SYTL5: variants seen among roughly 807,000 people sequenced by gnomAD.
SYTL5 encodes synaptotagmin like 5, also known as synaptotagmin-like protein 5.
Under a neutral mutation model 55.9 loss-of-function variants are expected in SYTL5, and 34 were observed. The ratio of observed to expected loss-of-function variants is 0.61; its 90% CI spans 0.46 to 0.81. SYTL5 has a LOEUF of 0.81. SYTL5 is among the 30% of genes least tolerant of loss of function. The pLI is 0.00. For missense variants in SYTL5, 637 were observed against 546.7 expected, an observed-to-expected ratio of 1.17 and a Z score of -1.65; for synonymous variants, 221 against 188.7, an observed-to-expected ratio of 1.17 and a Z score of -1.40.
At chrX:37,939,095 T>G in the SYTL5 span, among the ~76,000 whole-genome samples, 4 of 109,544 alleles carry the variant, frequency 3.7e-5, no homozygotes, top group African/African-American at 1.3e-4. Context: ...ACGTCTCTAC[T>G]AAAAATACCC....
chrX:38,125,389 T>G lies in SYTL5; in HGVS notation c.1933T>G (p.Phe645Val). Reference protein sequence around the residue: ...VNPQWNHTFMFSGIHPQDIKN... With the variant: ...VNPQWNHTFMVSGIHPQDIKN... The stretch of plus-strand genomic sequence containing the variant: ...CCCTCAGTGGAATCATACATTCATG[T>G]TCAGTGGCATCCATCCCCAGGATAT... The change falls in exon 16 of 17, where the codon TTC becomes GTC. Residue 645 changes from phenylalanine (F) to valine (V), a missense_variant. Physicochemically the swap from Phe to Val is conservative, Grantham distance 50. Coordinates refer to ENST00000297875, the MANE Select transcript of SYTL5 (RefSeq NM_138780.3). The G allele has an allele frequency of 8.3e-7, 1 of 1,209,783 alleles. No homozygotes were observed. Among genetic ancestry groups the G allele is most frequent in the Non-Finnish European group, 1.1e-6 (1 of 893,582 alleles).
chrX:37,995,371 T>C, the SYTL5 span, among the ~76,000 whole-genome samples: 3 of 112,026 alleles, frequency 2.7e-5, no homozygotes, highest in African/African-American at 3.2e-5. Context: ...GGAGATTGTG[T>C]TGGGATTGTC....
At chrX:38,105,083 A>G (rs751710359) in intron 10 of SYTL5, among the ~76,000 whole-genome samples, 1 of 112,805 alleles carries the variant, frequency 8.9e-6, no homozygotes, top group South Asian at 3.7e-4. Flanking sequence ...ATAGCAGGAC[A>G]GTCAATCTGA....
chrX:38,045,619 T>G (rs766423267), intron 2 of SYTL5, among the ~76,000 whole-genome samples: 4 of 112,128 alleles, frequency 3.6e-5, no homozygotes, highest in Non-Finnish European at 7.5e-5. Flanking sequence ...TTGAGACTAT[T>G]TGTAAACATG....
In SYTL5 at chrX:38,073,671, C is replaced by T. The variant is rs1446892535; in HGVS notation, c.527C>T (p.Ala176Val). The T allele has an allele frequency of 8.4e-7, 1 of 1,197,378 alleles. No individual in the cohort carries two copies. The highest frequency in any genetic ancestry group is 2.3e-5 in the Admixed American group (1 of 44,289). Residue 176 changes from alanine (A) to valine (V), a missense_variant, in exon 5 of 17, where the codon GCC (alanine) becomes GTC (valine). By Grantham distance (64) the Ala-to-Val change is moderately conservative. Coordinates refer to ENST00000297875, the MANE Select transcript of SYTL5 (RefSeq NM_138780.3). ...SDTSPVAGKK[A>V]SHDGPKRKGF... ...ACTTCACCTGTTGCTGGGAAGAAGG[C>T]CAGCCATGATGGGCCCAAGAGAAAG...
chrX:37,913,147 A>C, the SYTL5 span, among the ~76,000 whole-genome samples: 11 of 111,936 alleles, frequency 9.8e-5, no homozygotes, highest in Non-Finnish European at 1.5e-4. Context: ...GACTGGATGT[A>C]AGCTAGCATT....
At chrX:37,894,225 T>C in the SYTL5 span, among the ~76,000 whole-genome samples, 1 of 111,813 alleles carries the variant, frequency 8.9e-6, no homozygotes, top group Non-Finnish European at 1.9e-5. Flanking sequence ...GCTTCCAGTG[T>C]TTGGCTATTA....
At chrX:38,066,430 A>G (rs1230979431) in intron 3 of SYTL5, among the ~76,000 whole-genome samples, 1 of 111,785 alleles carries the variant, frequency 8.9e-6, no homozygotes, top group East Asian at 2.8e-4. Flanking sequence ...ACTGTCAGTA[A>G]TCATTATTCA....
chrX:37,919,484 T>C, the SYTL5 span, among the ~76,000 whole-genome samples: 2 of 111,630 alleles, frequency 1.8e-5, no homozygotes, highest in African/African-American at 3.3e-5. Context: ...ATATGCCAAT[T>C]CCCTTTGATC....
chrX:37,895,382 C>T, the SYTL5 span, among the ~76,000 whole-genome samples: 1 of 109,868 alleles, frequency 9.1e-6, no homozygotes, highest in Non-Finnish European at 1.9e-5. Flanking sequence ...GTGTCTGGCA[C>T]AGAGTAAGTG....
chrX:38,027,824 CT>C (rs111523397), intron 1 of SYTL5, among the ~76,000 whole-genome samples: 14,090 of 90,525 alleles, frequency 0.16, 2,206 homozygotes, highest in African/African-American at 0.45. Context: ...AATTCTTCTT[CT>C]TTTTTTTTTT....
At chrX:38,078,576 GA>G (rs1211058169) in intron 6 of SYTL5, among the ~76,000 whole-genome samples, 9 of 104,300 alleles carry the variant, frequency 8.6e-5, no homozygotes, top group Non-Finnish European at 1.4e-4. Flanking sequence ...CCTTGTTAAA[GA>G]AAAAAAAAAG....
rs376473841 is a variant in SYTL5, at chrX:38,054,340, G to A, written c.247G>A (p.Ala83Thr). ...LIFDRGDPCQ[A>T]CSLRVCRECR... ...CTTTGACCGGGGAGACCCTTGTCAG[G>A]CTTGCTCACTGAGGGTATGCAGGGA... is the stretch of plus-strand genomic sequence containing the variant. Residue 83 changes from alanine (A) to threonine (T), a missense_variant, in exon 3 of 17, where the codon GCT becomes ACT. By Grantham distance (58) the Ala-to-Thr change is moderately conservative. Transcript: ENST00000297875. 50 of 1,209,340 alleles carry A rather than the reference G, an allele frequency of 4.1e-5. No individual in the cohort carries two copies. Among genetic ancestry groups the A allele is most frequent in the Non-Finnish European group, 5.3e-5 (47 of 894,976 alleles).
intron 1 of SYTL5, among the ~76,000 whole-genome samples, chrX:38,011,269 T>C (rs1037544296): frequency 2.7e-5 from 3 of 112,432 alleles, no homozygotes; most frequent in Non-Finnish European, 5.6e-5. Context: ...GTTTTTCTCA[T>C]CCATTATTCT....
chrX:37,903,497 C>T, the SYTL5 span, among the ~76,000 whole-genome samples: 1 of 97,359 alleles, frequency 1.0e-5, no homozygotes, highest in Admixed American at 1.2e-4. Flanking sequence ...GGGAATTGAA[C>T]AATGAGAACA....
the SYTL5 span, among the ~76,000 whole-genome samples, chrX:37,957,614 A>G: frequency 8.9e-6 from 1 of 111,824 alleles, no homozygotes; most frequent in African/African-American, 3.3e-5. Flanking sequence ...TGGGCTTTCC[A>G]TTCTGTTCCA....
At chrX:37,955,219 A>AT in the SYTL5 span, among the ~76,000 whole-genome samples, 2 of 111,871 alleles carry the variant, frequency 1.8e-5, no homozygotes, top group South Asian at 3.7e-4. Flanking sequence ...TTATTGATCA[A>AT]TTTTTTTAAC....
At chrX:37,977,728 ACAC>A in the SYTL5 span, among the ~76,000 whole-genome samples, 22 of 108,470 alleles carry the variant, frequency 2.0e-4, no homozygotes, top group Non-Finnish European at 3.4e-4. Flanking sequence ...ACACACACAC[ACAC>A]ACACACACAC....
At chrX:38,045,189 T>C (rs777636762) in intron 2 of SYTL5, among the ~76,000 whole-genome samples, 1 of 112,144 alleles carries the variant, frequency 8.9e-6, no homozygotes, top group Admixed American at 9.4e-5. Flanking sequence ...GTCACCATCA[T>C]CATGACTTTA....
Sources: gnomAD v4.1 joint callset for allele counts (sites outside exome capture counted in the v4.1 genomes callset) on GRCh38, gnomAD v4.1.1 for gene constraint, MANE v1.5 for transcripts, NCBI Gene and HGNC (gene_info 2026-07-23, HGNC 2026-07-21) for gene names.